Variants in CTIF observed in about 807,000 individuals in gnomAD.
The protein encoded by CTIF is CBP80/20-dependent translation initiation factor.
CTIF carries 21 observed loss-of-function variants against 66.0 expected under a neutral mutation model. That is an observed-to-expected ratio of 0.32 (90% confidence interval 0.23 to 0.46). The LOEUF is 0.46. CTIF is among the 20% of genes least tolerant of loss of function. The probability of loss-of-function intolerance (pLI) is 1.00; values close to 1 mark genes in which losing one functional copy is unlikely to be tolerated. For synonymous variants in CTIF, 345 were observed against 326.4 expected (o/e 1.06, Z -0.62); for missense variants, 739 against 812.7 (o/e 0.91, Z 1.10).
chr18:48,781,420 G>A (rs1421095650), intron 9 of CTIF, among the ~76,000 whole-genome samples: 1 of 152,228 alleles, frequency 6.6e-6, no homozygotes, highest in Non-Finnish European at 1.5e-5. Flanking sequence ...AGTGGCTGTG[G>A]GTGGTGACCA....
At chr18:48,663,675 C>A in intron 3 of CTIF, 77 bp from the exon 4 acceptor site, 1 of 1,361,930 alleles carries the variant, frequency 7.3e-7, no homozygotes, top group Non-Finnish European at 1.1e-6. Context: ...CCCCCCAGCC[C>A]CTCAGGCCCT....
At chr18:48,849,386 T>C (rs2069148663) in intron 10 of CTIF, among the ~76,000 whole-genome samples, 1 of 151,240 alleles carries the variant, frequency 6.6e-6, no homozygotes, top group South Asian at 2.1e-4. Context: ...TTAGTAGAGA[T>C]GGGGTTTTGC....
At chr18:48,772,523 T>TCACTCCCCTACA (rs58407736) in intron 9 of CTIF, among the ~76,000 whole-genome samples, 2 of 151,712 alleles carry the variant, frequency 1.3e-5, no homozygotes, top group Non-Finnish European at 2.9e-5. Context: ...CCTACAGCAA[T>TCACTCCCCTACA]GCCTCCCCTC....
intron 7 of CTIF, among the ~76,000 whole-genome samples, chr18:48,743,430 A>T (rs1412119024): frequency 1.3e-5 from 2 of 152,252 alleles, no homozygotes; most frequent in Non-Finnish European, 2.9e-5. Flanking sequence ...AATTCCAAAC[A>T]GCGGGCCATG....
intron 2 of CTIF, among the ~76,000 whole-genome samples, chr18:48,624,686 GC>G (rs1399605189): frequency 1.3e-5 from 2 of 152,172 alleles, no homozygotes; most frequent in Non-Finnish European, 2.9e-5. Context: ...AAGGTGAGGG[GC>G]CTGGGCCTGA....
At chr18:48,851,168 T>C (rs1247225584) in intron 10 of CTIF, among the ~76,000 whole-genome samples, 1 of 151,810 alleles carries the variant, frequency 6.6e-6, no homozygotes, top group Non-Finnish European at 1.5e-5. Context: ...TGACAGGAGT[T>C]GGGGGAGTAG....
chr18:48,788,151 T>TG (rs928809285), intron 9 of CTIF, among the ~76,000 whole-genome samples: 1 of 152,134 alleles, frequency 6.6e-6, no homozygotes, highest in African/African-American at 2.4e-5. Context: ...GCCTTTAGGC[T>TG]GGGGGGAGAA....
intron 11 of CTIF, among the ~76,000 whole-genome samples, chr18:48,859,012 T>C (rs2069395778): frequency 6.6e-6 from 1 of 152,152 alleles, no homozygotes; most frequent in Non-Finnish European, 1.5e-5. Context: ...AGGGTGCGGA[T>C]GTAGTCAGGG....
intron 1 of CTIF, among the ~76,000 whole-genome samples, chr18:48,601,459 C>G (rs2090089131): frequency 6.6e-6 from 1 of 152,214 alleles, no homozygotes; most frequent in Non-Finnish European, 1.5e-5. Flanking sequence ...GGAAAGCTGT[C>G]CCCCCGAGGG....
intron 10 of CTIF, among the ~76,000 whole-genome samples, chr18:48,818,950 G>A (rs887762247): frequency 6.6e-6 from 1 of 152,172 alleles, no homozygotes; most frequent in Non-Finnish European, 1.5e-5. Context: ...GGGTCAAGGG[G>A]CATCTTTATG....
chr18:48,817,257 G>C lies in CTIF; in HGVS notation c.1408G>C (p.Asp470His). ...FTVREELQQQDVERWLGFITF... is the reference protein window; with the variant it reads ...FTVREELQQQHVERWLGFITF... ...GGTGCGCGAGGAGCTGCAGCAGCAG[G>C]ACGTGGAGCGCTGGCTGGGCTTCAT... The change falls in exon 10 of 12, where the codon GAC becomes CAC. Residue 470 changes from aspartate (D) to histidine (H), a missense_variant. By Grantham distance (81) the Asp-to-His change is moderately conservative (BLOSUM62 -1). This residue lies in a region of CTIF where 210 missense variants were observed against 292.3 expected (regional missense o/e 0.72). Coordinates refer to ENST00000256413, the MANE Select transcript of CTIF (RefSeq NM_014772.3). 1 of 1,614,096 alleles carries C rather than the reference G, an allele frequency of 6.2e-7. No homozygotes were observed. The highest frequency in any genetic ancestry group is 8.5e-7 in the Non-Finnish European group (1 of 1,180,030).
At chr18:48,586,944 G>A (rs1293040285) in intron 1 of CTIF, among the ~76,000 whole-genome samples, 1 of 152,112 alleles carries the variant, frequency 6.6e-6, no homozygotes, top group East Asian at 1.9e-4. Flanking sequence ...AGGGCTTAGT[G>A]AGTGGCACCC....
At chr18:48,859,230 C>A in intron 11 of CTIF, 114 bp from the exon 12 acceptor site, 1 of 857,304 alleles carries the variant, frequency 1.2e-6, no homozygotes. Flanking sequence ...GGGGTCTGGG[C>A]CTGTGTGTCC....
chr18:48,738,208 A>G (rs964598708), intron 7 of CTIF, among the ~76,000 whole-genome samples: 40 of 152,198 alleles, frequency 2.6e-4, no homozygotes, highest in African/African-American at 8.7e-4. Flanking sequence ...TCTTCAAAGC[A>G]GATCCAGGAT....
At chr18:48,576,319 C>A (rs546593113) in intron 1 of CTIF, among the ~76,000 whole-genome samples, 1 of 152,366 alleles carries the variant, frequency 6.6e-6, no homozygotes, top group African/African-American at 2.4e-5. Context: ...TCTGGCCTGG[C>A]CATTGTCATT....
intron 10 of CTIF, among the ~76,000 whole-genome samples, chr18:48,829,269 C>T (rs2068642954): frequency 1.3e-5 from 2 of 152,192 alleles, no homozygotes; most frequent in Non-Finnish European, 2.9e-5. Context: ...CCTGCTCACA[C>T]ACCCTCACCG....
At chr18:48,805,597 G>GA (rs994286491) in intron 9 of CTIF, among the ~76,000 whole-genome samples, 4 of 151,980 alleles carry the variant, frequency 2.6e-5, no homozygotes, top group South Asian at 2.1e-4. Context: ...TGGGAAGGGG[G>GA]AAAAAAAATC....
At chr18:48,852,607 C>G (rs762737771) in intron 10 of CTIF, among the ~76,000 whole-genome samples, 1 of 152,228 alleles carries the variant, frequency 6.6e-6, no homozygotes, top group African/African-American at 2.4e-5. Flanking sequence ...CTTGGGGATC[C>G]GCAGACCCCA....
rs2069429682 is a variant in CTIF, at chr18:48,860,086, C to T, written c.*527C>T. On this transcript the variant is annotated 3_prime_UTR_variant, in exon 12 of 12. Coordinates refer to ENST00000256413, the MANE Select transcript of CTIF (RefSeq NM_014772.3). ...CCGGGAGGACAAAGGCAGGCACGGT[C>T]CCCACCAGCCGCCCGTAATTGACGG... 5.2e-6 allele frequency: 2 copies of T among 385,410 alleles called. No individual in the cohort carries two copies. The highest frequency in any genetic ancestry group is 1.1e-5 in the Non-Finnish European group (2 of 189,638). 23.9% of individuals were successfully genotyped at this position (385,410 alleles called of 1,614,324 possible). A position where few individuals can be genotyped will look rare whatever the true frequency, so the allele number is the denominator to read the frequency against.
Sources: gnomAD v4.1 joint callset for allele counts (sites outside exome capture counted in the v4.1 genomes callset) on GRCh38, gnomAD v4.1.1 for gene constraint, gnomAD v4.1.1 regional missense constraint, MANE v1.5 for transcripts, NCBI Gene and HGNC (gene_info 2026-07-23, HGNC 2026-07-21) for gene names.